Variants in COX6B1 observed in about 807,000 individuals in gnomAD.
The protein encoded by COX6B1 is COX VIb-1.
Under a neutral mutation model 14.0 loss-of-function variants are expected in COX6B1, and 2 were observed. That is an observed-to-expected ratio of 0.14 (90% CI 0.06 to 0.45). The LOEUF (loss-of-function observed/expected upper bound fraction) is 0.45, where lower values mean the gene tolerates loss of function less well. COX6B1 is among the 20% of genes least tolerant of loss of function. COX6B1 has a pLI of 0.98. For missense variants in COX6B1, 81 were observed against 114.2 expected (o/e 0.71, Z 1.33); for synonymous variants, 30 against 39.7 (o/e 0.76, Z 0.92).
intron 2 of COX6B1, 142 bp downstream of exon 2, chr19:35,651,491 T>A (rs1967824319): frequency 8.5e-6 from 6 of 707,562 alleles, no homozygotes; most frequent in Non-Finnish European, 1.6e-5. Context: ...CACCTGCTGT[T>A]CAGGTCCAGG....
intron 3 of COX6B1, among the ~76,000 whole-genome samples, chr19:35,655,755 G>GTCTCTCTCTCTC (rs3038413): frequency 1.8e-3 from 264 of 146,058 alleles, no homozygotes; most frequent in South Asian, 3.9e-3. Flanking sequence ...CACTGTGCCT[G>GTCTCTCTCTCTC]TCTCTCTCTC....
intron 3 of COX6B1, among the ~76,000 whole-genome samples, chr19:35,656,825 C>T (rs73599271): frequency 0.093 from 14,078 of 152,166 alleles, 764 homozygotes; most frequent in East Asian, 0.13. Flanking sequence ...CTAACACAAC[C>T]GTATGAGGTA....
Position 35,658,616 on chromosome 19 carries a change from G to A in COX6B1, c.230G>A (p.Arg77Gln), listed in dbSNP as rs778559323. 8.1e-6 allele frequency: 13 copies of A among 1,614,010 alleles called. No homozygotes were observed. Among genetic ancestry groups the A allele is most frequent in the Non-Finnish European group, 1.1e-5 (13 of 1,179,946 alleles). ...CAGGTCACAGACTGGGATGAGCAAC[G>A]GGCTGAAGGCACGTTTCCCGGGAAG... Reference protein sequence around the residue: ...TSWVTDWDEQRAEGTFPGKI With the variant: ...TSWVTDWDEQQAEGTFPGKI The change falls in exon 4 of 4, where the codon CGG becomes CAG. Residue 77 changes from arginine to glutamine, a missense_variant. Physicochemically the swap from Arg to Gln is conservative, Grantham distance 43. Transcript: ENST00000649813.
chr19:35,657,514 CT>C (rs1342442473), intron 3 of COX6B1, among the ~76,000 whole-genome samples: 2 of 152,004 alleles, frequency 1.3e-5, no homozygotes, highest in East Asian at 3.8e-4. Context: ...TCGGGGACCC[CT>C]GCCTTATAGC....
At chr19:35,653,865 G>A (rs1417472342) in intron 2 of COX6B1, among the ~76,000 whole-genome samples, 1 of 152,144 alleles carries the variant, frequency 6.6e-6, no homozygotes, top group Non-Finnish European at 1.5e-5. Flanking sequence ...ACTAGGTCCA[G>A]CCACTTTTTT....
At chr19:35,654,796 G>T in intron 3 of COX6B1, 125 bp downstream of exon 3, 5 of 780,160 alleles carry the variant, frequency 6.4e-6, no homozygotes, top group Non-Finnish European at 1.1e-5. Flanking sequence ...ACTGTCCCAG[G>T]ACTCAGTGCC....
intron 1 of COX6B1, chr19:35,648,996 A>T: frequency 1.9e-6 from 1 of 515,368 alleles, no homozygotes; most frequent in Non-Finnish European, 4.0e-6. Flanking sequence ...AGTGCTCCAG[A>T]CCCCCACCAC....
intron 2 of COX6B1, among the ~76,000 whole-genome samples, chr19:35,653,944 T>C (rs1206612664): frequency 6.6e-6 from 1 of 152,098 alleles, no homozygotes; most frequent in Non-Finnish European, 1.5e-5. Flanking sequence ...CCTCAAGTGA[T>C]CCACCTGCCT....
chr19:35,649,041 A>G (rs1449066595), intron 1 of COX6B1: 3 of 461,658 alleles, frequency 6.5e-6, no homozygotes, highest in Non-Finnish European at 1.3e-5. Context: ...ACTGCTCTGC[A>G]AGTCTCTGTA....
chr19:35,648,981 G>A, intron 1 of COX6B1: 1 of 528,786 alleles, frequency 1.9e-6, no homozygotes, highest in Admixed American at 2.0e-5. Flanking sequence ...CCGAAAGACT[G>A]TTTTAGTGCT....
Position 35,654,678 on chromosome 19 carries a change from G to A in COX6B1, c.207+7G>A. The A allele has an allele frequency of 6.2e-7, 1 of 1,613,730 alleles. No individual in the cohort carries two copies. The highest frequency in any genetic ancestry group is 1.1e-5 in the South Asian group (1 of 91,074). ...CCTCTGCCCCACATCCTGGGTATGT[G>A]CCTCCTGCCAGGGCCCTTGGGATGC... On this transcript the variant is annotated splice_region_variant and intron_variant, in intron 3 of 3. Coordinates refer to ENST00000649813, the MANE Select transcript of COX6B1 (RefSeq NM_001863.5).
chr19:35,658,656 C>T lies in COX6B1; in HGVS notation c.*9C>T. 1.9e-6 allele frequency: 3 copies of T among 1,613,362 alleles called. No individual in the cohort carries two copies. On this transcript the variant is annotated 3_prime_UTR_variant, in exon 4 of 4. Transcript: ENST00000649813. The stretch of plus-strand genomic sequence containing the variant: ...TTCCCGGGAAGATCTGAACTGGCTG[C>T]ATCTCCCTTTCCTCTGTCCTCCATC...
chr19:35,653,631 A>C (rs183766638), intron 2 of COX6B1, among the ~76,000 whole-genome samples: 6 of 139,078 alleles, frequency 4.3e-5, no homozygotes, highest in African/African-American at 1.6e-4. Flanking sequence ...CCCAGGCTGG[A>C]GTGCAGTGGC....
At chr19:35,651,131 C>T (rs1967819729) in intron 1 of COX6B1, 102 bp from the exon 2 acceptor site, 1 of 757,966 alleles carries the variant, frequency 1.3e-6, no homozygotes, top group Non-Finnish European at 2.4e-6. Context: ...TGTTCACACC[C>T]AGCCCATTGT....
rs193081826 is a variant in COX6B1 at position 35,654,134 on chromosome 19, T to G, written c.107-437T>G. On this transcript the variant is annotated intron_variant, in intron 2 of 3. Transcript: ENST00000649813. ...TGGCATATAGCTTGCTCATTTTCAT[T>G]GCTGTCCAGTTTTCTACAATTTATT... Among the ~76,000 whole-genome samples, 390 of 152,386 alleles carry G rather than the reference T, an allele frequency of 2.6e-3. 4 individuals carry two copies. The highest frequency in any genetic ancestry group is 8.1e-3 in the African/African-American group (339 of 41,598).
At chr19:35,657,105 C>T (rs912947530) in intron 3 of COX6B1, among the ~76,000 whole-genome samples, 1 of 151,892 alleles carries the variant, frequency 6.6e-6, no homozygotes, top group African/African-American at 2.4e-5. Context: ...CATTTATTGT[C>T]CACTTTATTT....
intron 3 of COX6B1, among the ~76,000 whole-genome samples, chr19:35,655,606 C>T (rs1599622947): frequency 2.0e-5 from 3 of 148,136 alleles, no homozygotes; most frequent in East Asian, 2.0e-4. Context: ...CTTTGCTATG[C>T]CCCTGCCCTT....
chr19:35,656,711 C>G (rs142041808), intron 3 of COX6B1, among the ~76,000 whole-genome samples: 1 of 152,040 alleles, frequency 6.6e-6, no homozygotes, highest in Non-Finnish European at 1.5e-5. Flanking sequence ...AAACTCCTGA[C>G]CTCAGGTGAT....
At chr19:35,648,535 C>G (rs532477873) in intron 1 of COX6B1, 132 bp downstream of exon 1, 1 of 301,070 alleles carries the variant, frequency 3.3e-6, no homozygotes, top group Non-Finnish European at 6.6e-6. Flanking sequence ...GGGCCCTGTT[C>G]TGTTCATCGT....
Sources: gnomAD v4.1 joint callset for allele counts (sites outside exome capture counted in the v4.1 genomes callset) on GRCh38, gnomAD v4.1.1 for gene constraint, MANE v1.5 for transcripts, NCBI Gene and HGNC (gene_info 2026-07-23, HGNC 2026-07-21) for gene names.